Variants in LYRM4 observed in about 807,000 individuals in gnomAD.
LYRM4 encodes LYR motif containing 4, also known as LYR motif-containing protein 4.
LYRM4 carries 9 observed loss-of-function variants against 11.7 expected under a neutral mutation model. The observed-to-expected ratio is 0.77, with a 90% CI of 0.46 to 1.34. The LOEUF is 1.34. LYRM4 is among the 40% of genes most tolerant of loss of function. The probability of loss-of-function intolerance (pLI) is 0.00; values close to 1 mark genes in which losing one functional copy is unlikely to be tolerated. For missense variants in LYRM4, 133 were observed against 112.5 expected, an observed-to-expected ratio of 1.18 and a Z score of -0.82; for synonymous variants, 42 against 40.4, an observed-to-expected ratio of 1.04 and a Z score of -0.15.
chr6:5,152,495 C>T (rs777692789), intron 2 of LYRM4, among the ~76,000 whole-genome samples: 33 of 152,044 alleles, frequency 2.2e-4, no homozygotes, highest in Non-Finnish European at 4.4e-4. Flanking sequence ...AACTATACCC[C>T]ATCGTATCTT....
chr6:5,168,506 G>GGT, intron 2 of LYRM4, among the ~76,000 whole-genome samples: 1 of 152,240 alleles, frequency 6.6e-6, no homozygotes, highest in East Asian at 1.9e-4. Flanking sequence ...CAGACTGCAG[G>GGT]ACACCTGGCT....
the LYRM4 span, among the ~76,000 whole-genome samples, chr6:5,073,463 AT>A: frequency 2.7e-5 from 4 of 148,826 alleles, no homozygotes; most frequent in African/African-American, 4.9e-5. Flanking sequence ...GTGTATATAT[AT>A]TTTTTTTCCT....
chr6:5,189,268 G>A (rs35943326), intron 2 of LYRM4, among the ~76,000 whole-genome samples: 43,057 of 151,326 alleles, frequency 0.28, 6,382 homozygotes, highest in African/African-American at 0.37. Context: ...TAAGGTTAGT[G>A]GTTAGCCTAA....
At chr6:5,032,233 G>T in the LYRM4 span, 3 of 152,180 alleles carry the variant, frequency 2.0e-5, no homozygotes, top group African/African-American at 4.8e-5. Flanking sequence ...AAACCAAGGC[G>T]TAATAAGGGA....
intron 2 of LYRM4, among the ~76,000 whole-genome samples, chr6:5,206,821 T>C (rs140492121): frequency 3.0e-4 from 45 of 152,202 alleles, no homozygotes; most frequent in Non-Finnish European, 5.3e-4. Flanking sequence ...GGCATTCTGG[T>C]ACCACATTTT....
chr6:5,112,193 G>A (rs364857), intron 2 of LYRM4, among the ~76,000 whole-genome samples: 92,440 of 152,088 alleles, frequency 0.61, 28,950 homozygotes, highest in East Asian at 0.92. Context: ...AGCCACCTGG[G>A]CCATCTGTGT....
At chr6:5,244,207 T>C (rs1304218277) in intron 1 of LYRM4, among the ~76,000 whole-genome samples, 1 of 152,214 alleles carries the variant, frequency 6.6e-6, no homozygotes, top group Non-Finnish European at 1.5e-5. Flanking sequence ...CAATACTTTA[T>C]TATAAAATAG....
At chr6:5,188,549 TCAAG>T (rs1491003573) in intron 2 of LYRM4, among the ~76,000 whole-genome samples, 6 of 152,336 alleles carry the variant, frequency 3.9e-5, no homozygotes, top group African/African-American at 1.2e-4. Flanking sequence ...AATAATCATA[TCAAG>T]TACTGATTAA....
At chr6:5,247,246 C>T (rs1001074937) in intron 1 of LYRM4, among the ~76,000 whole-genome samples, 2 of 152,134 alleles carry the variant, frequency 1.3e-5, no homozygotes, top group Admixed American at 6.5e-5. Context: ...CCAGAGGCCC[C>T]CACAGTGCTG....
At chr6:5,073,334 T>A in the LYRM4 span, among the ~76,000 whole-genome samples, 1 of 152,038 alleles carries the variant, frequency 6.6e-6, no homozygotes, top group African/African-American at 2.4e-5. Context: ...AGTGCTACTG[T>A]GCCCCAGCCT....
intron 2 of LYRM4, among the ~76,000 whole-genome samples, chr6:5,114,251 A>G (rs392847): frequency 0.76 from 115,609 of 152,180 alleles, 44,182 homozygotes; most frequent in East Asian, 0.93. Context: ...ACACGCTAAG[A>G]CTGGGGGGCA....
intron 2 of LYRM4, among the ~76,000 whole-genome samples, chr6:5,116,582 G>A (rs1329490458): frequency 6.6e-6 from 1 of 152,206 alleles, no homozygotes; most frequent in Non-Finnish European, 1.5e-5. Flanking sequence ...ACGGAAGTAA[G>A]GTAGTGCAAT....
At chr6:5,214,894 A>G (rs1407554998) in intron 2 of LYRM4, among the ~76,000 whole-genome samples, 1 of 151,626 alleles carries the variant, frequency 6.6e-6, no homozygotes, top group Non-Finnish European at 1.5e-5. Context: ...CTGTTCTGCA[A>G]GGTCGCCGTG....
At chr6:5,090,041 C>CACACAA in the LYRM4 span, among the ~76,000 whole-genome samples, 2 of 74,906 alleles carry the variant, frequency 2.7e-5, no homozygotes, top group South Asian at 5.3e-4. The surrounding 1 kb of genome is among the most constrained non-coding windows in gnomAD (Gnocchi z 4.8). Context: ...CACACACACA[C>CACACAA]CACACACACA....
chr6:5,183,752 A>C (rs1183563208), intron 2 of LYRM4, among the ~76,000 whole-genome samples: 1 of 152,310 alleles, frequency 6.6e-6, no homozygotes. Flanking sequence ...TTGGAGAAAA[A>C]CAGTCTGACA....
chr6:5,257,943 G>C (rs2127784569), intron 1 of LYRM4, among the ~76,000 whole-genome samples: 1 of 152,308 alleles, frequency 6.6e-6, no homozygotes, highest in Non-Finnish European at 1.5e-5. Context: ...GCTGGTGGGA[G>C]GGATGGGAGT....
intron 1 of LYRM4, 64 bp from the exon 2 acceptor site, chr6:5,216,802 G>A: frequency 6.5e-7 from 1 of 1,549,594 alleles, no homozygotes; most frequent in Non-Finnish European, 8.7e-7. Flanking sequence ...GCTTTCAAAT[G>A]AATTTTAAAG....
At chr6:5,073,321 G>A in the LYRM4 span, among the ~76,000 whole-genome samples, 1 of 152,116 alleles carries the variant, frequency 6.6e-6, no homozygotes, top group Non-Finnish European at 1.5e-5. Context: ...AGTGAGCTGA[G>A]ATAGTGCTAC....
intron 2 of LYRM4, among the ~76,000 whole-genome samples, chr6:5,172,754 T>G (rs1759505769): frequency 6.6e-6 from 1 of 152,200 alleles, no homozygotes; most frequent in South Asian, 2.1e-4. Flanking sequence ...AGAGACACGT[T>G]AAGGCACTTG....
Sources: gnomAD v4.1 joint callset for allele counts (sites outside exome capture counted in the v4.1 genomes callset) on GRCh38, gnomAD v4.1.1 for gene constraint, Gnocchi (gnomAD v3.1) non-coding constraint, MANE v1.5 for transcripts, NCBI Gene and HGNC (gene_info 2026-07-23, HGNC 2026-07-21) for gene names.